The following TMEM132B variants were observed in gnomAD, a reference collection of about 807,000 sequenced individuals.
TMEM132B encodes the protein transmembrane protein 132B.
TMEM132B carries 18 observed loss-of-function variants against 90.8 expected under a neutral mutation model. The ratio of observed to expected loss-of-function variants is 0.20; its 90% CI spans 0.14 to 0.29. TMEM132B has a LOEUF of 0.29. TMEM132B is among the 10% of genes least tolerant of loss of function. The probability of loss-of-function intolerance (pLI) is 1.00; values close to 1 mark genes in which losing one functional copy is unlikely to be tolerated. For missense variants in TMEM132B, 1,096 were observed against 1,326.8 expected (o/e 0.83, Z 2.70); for synonymous variants, 504 against 523.3 (o/e 0.96, Z 0.50).
At chr12:125,378,944 C>T (rs572014415) in intron 2 of TMEM132B, among the ~76,000 whole-genome samples, 8 of 152,240 alleles carry the variant, frequency 5.3e-5, no homozygotes, top group East Asian at 1.9e-4. Flanking sequence ...AGTGAGGTCT[C>T]ATGTGTATAG....
intron 2 of TMEM132B, among the ~76,000 whole-genome samples, chr12:125,389,876 G>A (rs1878958123): frequency 6.6e-6 from 1 of 152,196 alleles, no homozygotes; most frequent in African/African-American, 2.4e-5. Context: ...TATTTTAAAA[G>A]TTTAAAGAAA....
chr12:125,357,282 C>T (rs372752191), intron 2 of TMEM132B, among the ~76,000 whole-genome samples: 8 of 152,260 alleles, frequency 5.3e-5, no homozygotes, highest in Middle Eastern at 3.4e-3. Context: ...ATTACTGATT[C>T]GTCACCTCTA....
intron 1 of TMEM132B, among the ~76,000 whole-genome samples, chr12:125,254,420 C>T (rs1874384903): frequency 6.6e-6 from 1 of 152,142 alleles, no homozygotes; most frequent in Admixed American, 6.5e-5. Flanking sequence ...CTTCATCAGC[C>T]CCCTTAGACT....
chr12:125,512,623 T>C (rs1258777736), intron 3 of TMEM132B, among the ~76,000 whole-genome samples: 1 of 152,200 alleles, frequency 6.6e-6, no homozygotes, highest in Non-Finnish European at 1.5e-5. Context: ...TTTTGAGTCC[T>C]AAAAGATAAG....
At chr12:125,493,161 A>G (rs1035804842) in intron 3 of TMEM132B, among the ~76,000 whole-genome samples, 2 of 152,192 alleles carry the variant, frequency 1.3e-5, no homozygotes, top group African/African-American at 2.4e-5. Flanking sequence ...TCACTCCACA[A>G]TGCTGCTTGC....
intron 3 of TMEM132B, among the ~76,000 whole-genome samples, chr12:125,434,891 C>T (rs1044266040): frequency 6.6e-6 from 1 of 152,210 alleles, no homozygotes; most frequent in Non-Finnish European, 1.5e-5. Flanking sequence ...AGAGCCCCTC[C>T]TCATGCTGAA....
At position 125,321,743 on chromosome 12, in the gene TMEM132B, G is replaced by A. The variant is rs140588884; in HGVS notation, c.68-27709G>A. ...TCCACCCACCTTGGCCTCTCAAAGT[G>A]TTGGGATTACAGGTGTGAGCCACCA... is the stretch of plus-strand genomic sequence containing the variant. On this transcript the variant is annotated intron_variant, in intron 1 of 8. Transcript: ENST00000682704. Among the ~76,000 whole-genome samples, 20 of 152,110 alleles carry A rather than the reference G, an allele frequency of 1.3e-4. No homozygotes were observed. In the East Asian group the frequency reaches 3.5e-3, roughly 26 times the overall value.
chr12:125,288,807 C>T (rs1875445971), intron 1 of TMEM132B, among the ~76,000 whole-genome samples: 1 of 152,144 alleles, frequency 6.6e-6, no homozygotes, highest in Non-Finnish European at 1.5e-5. Flanking sequence ...AGATGTCCCC[C>T]TGGGGGCAAA....
At chr12:125,479,683 G>A (rs113599380) in intron 3 of TMEM132B, among the ~76,000 whole-genome samples, 43,814 of 151,912 alleles carry the variant, frequency 0.29, 6,603 homozygotes, top group East Asian at 0.51. Flanking sequence ...ACACCCCACT[G>A]TCAATATTAG....
intron 1 of TMEM132B, among the ~76,000 whole-genome samples, chr12:125,247,876 T>TA (rs1336682475): frequency 2.0e-4 from 30 of 152,252 alleles, no homozygotes; most frequent in Non-Finnish European, 3.5e-4. Flanking sequence ...CTCTTTTTTT[T>TA]ATTTTCCAGC....
At chr12:125,330,391 TG>T (rs1239968601) in intron 1 of TMEM132B, among the ~76,000 whole-genome samples, 1 of 151,122 alleles carries the variant, frequency 6.6e-6, no homozygotes, top group East Asian at 1.9e-4. Flanking sequence ...TAGTTATGGT[TG>T]ACATTTTTCA....
chr12:125,334,023 T>C (rs1351794334), intron 1 of TMEM132B, among the ~76,000 whole-genome samples: 1 of 152,174 alleles, frequency 6.6e-6, no homozygotes, highest in Non-Finnish European at 1.5e-5. Flanking sequence ...AAAAATGCCA[T>C]GAAAAGTATG....
At chr12:125,319,893 A>T (rs1396538473) in intron 1 of TMEM132B, among the ~76,000 whole-genome samples, 1 of 151,954 alleles carries the variant, frequency 6.6e-6, no homozygotes, top group Non-Finnish European at 1.5e-5. Context: ...GTTTGTGCCC[A>T]TAGTTCCAGC....
chr12:125,441,683 T>C (rs965941277), intron 3 of TMEM132B, among the ~76,000 whole-genome samples: 2 of 152,158 alleles, frequency 1.3e-5, no homozygotes, highest in African/African-American at 4.8e-5. Context: ...AAAGAGGCTT[T>C]TTAAAAGGCT....
intron 2 of TMEM132B, among the ~76,000 whole-genome samples, chr12:125,380,448 C>T (rs1349141010): frequency 6.6e-6 from 1 of 152,142 alleles, no homozygotes; most frequent in African/African-American, 2.4e-5. Context: ...ATTTTGGGGG[C>T]CATCATTCAA....
At position 125,583,884 on chromosome 12, in the gene TMEM132B, G is replaced by A; in HGVS notation, c.1327G>A (p.Gly443Arg). The change falls in exon 5 of 9, where the codon GGA becomes AGA. Residue 443 changes from glycine (G) to arginine (R), a missense_variant. Coordinates refer to ENST00000682704, the MANE Select transcript of TMEM132B (RefSeq NM_001366854.1). ...TEVLNTAILT[G>R]KPVSVPVKVV... ...GGTTTTGAACACTGCCATTCTCACT[G>A]GAAAGCCTGTTTCAGTTCCTGTCAA... is the stretch of plus-strand genomic sequence containing the variant. 6.2e-7 allele frequency: 1 copy of A among 1,614,142 alleles called. No individual in the cohort carries two copies. The highest frequency in any genetic ancestry group is 8.5e-7 in the Non-Finnish European group (1 of 1,180,024).
At chr12:125,510,925 T>C (rs1171355251) in intron 3 of TMEM132B, among the ~76,000 whole-genome samples, 11 of 152,262 alleles carry the variant, frequency 7.2e-5, no homozygotes, top group Non-Finnish European at 1.3e-4. Context: ...GAGCATGCCA[T>C]GTAATTCATC....
At chr12:125,425,519 T>C (rs555412140) in intron 3 of TMEM132B, among the ~76,000 whole-genome samples, 1 of 152,332 alleles carries the variant, frequency 6.6e-6, no homozygotes, top group East Asian at 1.9e-4. Context: ...GTTTTGCTAA[T>C]GTATAATGAC....
chr12:125,317,212 C>G (rs544243776), intron 1 of TMEM132B, among the ~76,000 whole-genome samples: 1 of 151,812 alleles, frequency 6.6e-6, no homozygotes, highest in Admixed American at 6.5e-5. Context: ...GATTGTAGTA[C>G]CTGGGTTGTT....
Sources: gnomAD v4.1 joint callset for allele counts (sites outside exome capture counted in the v4.1 genomes callset) on GRCh38, gnomAD v4.1.1 for gene constraint, MANE v1.5 for transcripts, NCBI Gene and HGNC (gene_info 2026-07-23, HGNC 2026-07-21) for gene names.